Variants in SLC26A11 observed in about 807,000 individuals in gnomAD.
The protein encoded by SLC26A11 is sodium-independent sulfate anion transporter.
SLC26A11 carries 58 observed loss-of-function variants against 62.2 expected under a neutral mutation model. That is an observed-to-expected ratio of 0.93 (90% CI 0.76 to 1.16). The LOEUF is 1.16. Among genes scored for constraint, SLC26A11 ranks in the 50% most tolerant of loss-of-function variants. The pLI is 0.00. For synonymous variants in SLC26A11, 411 were observed against 368.9 expected (o/e 1.11, Z -1.31); for missense variants, 790 against 794.3 (o/e 0.99, Z 0.06).
chr17:80,245,577 G>A (rs761378083), intron 11 of SLC26A11, among the ~76,000 whole-genome samples: 3 of 151,918 alleles, frequency 2.0e-5, no homozygotes, highest in African/African-American at 4.8e-5. Flanking sequence ...TGACCGCACC[G>A]CTGCACTCCA....
At chr17:80,242,467 C>T (rs781771992) in intron 10 of SLC26A11, among the ~76,000 whole-genome samples, 21 of 152,154 alleles carry the variant, frequency 1.4e-4, no homozygotes, top group Non-Finnish European at 1.9e-4. Flanking sequence ...GGAGGGAGCA[C>T]CTAGTGCCGG....
intron 6 of SLC26A11, among the ~76,000 whole-genome samples, chr17:80,226,783 CCT>C (rs1470920704): frequency 6.6e-6 from 1 of 152,242 alleles, no homozygotes; most frequent in Non-Finnish European, 1.5e-5. Flanking sequence ...AGGCAGGATG[CCT>C]CTCTACCTCT....
chr17:80,226,837 T>C (rs528841979), intron 6 of SLC26A11, among the ~76,000 whole-genome samples: 5 of 152,242 alleles, frequency 3.3e-5, no homozygotes, highest in African/African-American at 1.2e-4. Flanking sequence ...CTAGGGGAGC[T>C]ATAGAGATGG....
chr17:80,248,734 C>G (rs79344544), intron 15 of SLC26A11, 60 bp downstream of exon 15: 3 of 1,481,024 alleles, frequency 2.0e-6, no homozygotes, highest in Admixed American at 2.0e-5. Context: ...CCCCCCACTC[C>G]CTGCTGTTCA....
At chr17:80,241,950 C>A in intron 10 of SLC26A11, 129 bp downstream of exon 10, 2 of 1,009,410 alleles carry the variant, frequency 2.0e-6, no homozygotes, top group Non-Finnish European at 1.6e-6. Context: ...CAAAGGTGGC[C>A]CCAGATGGGA....
In SLC26A11 at chr17:80,221,686, C is replaced by CTACT; in HGVS notation, c.127_130dup (p.Ser44LeufsTer29). 6.2e-7 allele frequency: 1 copy of CTACT among 1,613,588 alleles called. No individual in the cohort carries two copies. Among genetic ancestry groups the CTACT allele is most frequent in the Non-Finnish European group, 8.5e-7 (1 of 1,180,016 alleles). On this transcript the variant is annotated frameshift_variant, in exon 3 of 18. Transcript: ENST00000361193. LOFTEE classifies it high-confidence loss of function. ...TGCCCATCCTGGCGTGGCTGCCCAG[C>CTACT]TACTCCCTGCAGTGGCTGAAGATGG... is the stretch of plus-strand genomic sequence containing the variant.
At chr17:80,233,622 T>G (rs1598811049) in intron 7 of SLC26A11, among the ~76,000 whole-genome samples, 1 of 146,922 alleles carries the variant, frequency 6.8e-6, no homozygotes, top group East Asian at 2.1e-4. Context: ...ACTCTGTCAC[T>G]CAGGCTGGAA....
chr17:80,229,840 C>T (rs2144898622), intron 7 of SLC26A11, among the ~76,000 whole-genome samples: 1 of 152,294 alleles, frequency 6.6e-6, no homozygotes, highest in Admixed American at 6.5e-5. Context: ...CAGGCCCCAC[C>T]CCAGATCTCC....
chr17:80,244,384 G>A (rs932236161), intron 10 of SLC26A11, among the ~76,000 whole-genome samples: 14 of 152,224 alleles, frequency 9.2e-5, no homozygotes, highest in African/African-American at 2.7e-4. Context: ...GGAACTGGGT[G>A]GAGAACGGTG....
intron 9 of SLC26A11, among the ~76,000 whole-genome samples, chr17:80,240,299 G>A (rs1221081176): frequency 4.6e-5 from 7 of 151,634 alleles, no homozygotes; most frequent in African/African-American, 1.5e-4. Context: ...CCCGGGAGGC[G>A]GAGCTTGCAG....
Position 80,221,658 on chromosome 17 carries a change from G to T in SLC26A11, c.98G>T (p.Arg33Met), listed in dbSNP as rs1598779844. 2 of 1,612,792 alleles carry T rather than the reference G, an allele frequency of 1.2e-6. No homozygotes were observed. The highest frequency in any genetic ancestry group is 8.5e-7 in the Non-Finnish European group (1 of 1,179,978). Residue 33 changes from arginine to methionine, a missense_variant, in exon 3 of 18, where the codon AGG becomes ATG. Coordinates refer to ENST00000361193, the MANE Select transcript of SLC26A11 (RefSeq NM_001166347.2). ...CCCSPAALQR[R>M]LPILAWLPSY... ...TGCTCCCCTGCGGCCCTGCAGAGGA[G>T]GCTGCCCATCCTGGCGTGGCTGCCC... is the stretch of plus-strand genomic sequence containing the variant.
rs780850196 is a variant in SLC26A11 at position 80,228,967 on chromosome 17, G to A, written c.736+1007G>A. On this transcript the variant is annotated intron_variant, in intron 7 of 17. Transcript: ENST00000361193. The surrounding 1 kb of genome is among the most constrained non-coding windows in gnomAD (Gnocchi z 4.1). ...GTGGAAGCCTCTTCTCAGTGCATCC[G>A]GGATGGGCATGGGTCCCCTGGCTGA... Among the ~76,000 whole-genome samples the A allele has an allele frequency of 6.6e-5, 10 of 152,172 alleles. No individual in the cohort carries two copies. Among genetic ancestry groups the A allele is most frequent in the African/African-American group, 1.9e-4 (8 of 41,442 alleles).
intron 7 of SLC26A11, among the ~76,000 whole-genome samples, chr17:80,231,115 T>A (rs2144903774): frequency 6.6e-6 from 1 of 151,144 alleles, no homozygotes; most frequent in South Asian, 2.1e-4. Context: ...TTTCCTTTCT[T>A]CTATTTATTT....
chr17:80,240,753 A>G (rs2042839332), intron 9 of SLC26A11, among the ~76,000 whole-genome samples: 1 of 151,980 alleles, frequency 6.6e-6, no homozygotes, highest in Non-Finnish European at 1.5e-5. Flanking sequence ...CGGTGAGCCA[A>G]GATCACTCCA....
chr17:80,243,311 A>G (rs987152034), intron 10 of SLC26A11, among the ~76,000 whole-genome samples: 2 of 152,214 alleles, frequency 1.3e-5, no homozygotes, highest in Non-Finnish European at 2.9e-5. Context: ...TTTCAGGCTG[A>G]GAAAATCCAC....
At position 80,249,232 on chromosome 17, in the gene SLC26A11, A is replaced by G. The variant is rs766317219; in HGVS notation, c.1601A>G (p.Glu534Gly). The stretch of plus-strand genomic sequence containing the variant: ...TACACTGTGGTGCTGGGACTCGGCG[A>G]GCTCCTCCAGGACTTCCAGAAGCAG... ...IDYTVVLGLG[E>G]LLQDFQKQGV... The change falls in exon 16 of 18, where the codon GAG becomes GGG. Residue 534 changes from glutamate to glycine, a missense_variant. Physicochemically the swap from Glu to Gly is moderately conservative, Grantham distance 98. Transcript: ENST00000361193. The G allele has an allele frequency of 3.2e-5, 51 of 1,611,454 alleles. No homozygotes were observed. Among genetic ancestry groups the G allele is most frequent in the Non-Finnish European group, 4.3e-5 (51 of 1,179,982 alleles).
At chr17:80,250,164 C>G (rs140466495) in intron 16 of SLC26A11, among the ~76,000 whole-genome samples, 1 of 152,110 alleles carries the variant, frequency 6.6e-6, no homozygotes, top group Non-Finnish European at 1.5e-5. Context: ...TAAATGTGCG[C>G]TCTCTGCCAA....
chr17:80,252,649 G>C lies in SLC26A11; in HGVS notation c.1754G>C (p.Gly585Ala). 6.2e-7 allele frequency: 1 copy of C among 1,613,966 alleles called. No individual in the cohort carries two copies. The change falls in exon 18 of 18, where the codon GGG (glycine) becomes GCG (alanine). Residue 585 changes from glycine (G) to alanine (A), a missense_variant. Gly to Ala is a moderately conservative substitution (Grantham distance 60, BLOSUM62 0). Transcript: ENST00000361193. The surrounding 1 kb of genome is among the most constrained non-coding windows in gnomAD (Gnocchi z 5.2). ...GAGAAGCACCTGAGGCAGGAGCCAG[G>C]GACCCAGCCCTACAACATCAGAGAA... ...EAEKHLRQEP[G>A]TQPYNIREDS...
intron 14 of SLC26A11, 27 bp downstream of exon 14, chr17:80,248,284 G>T: frequency 6.3e-7 from 1 of 1,598,398 alleles, no homozygotes. Context: ...TCTGAGTGGG[G>T]AGTGTGCTGG....
Sources: allele counts gnomAD v4.1 joint callset (sites outside exome capture counted in the v4.1 genomes callset), GRCh38; gene constraint gnomAD v4.1.1; non-coding constraint Gnocchi (gnomAD v3.1); transcripts MANE v1.5; gene names NCBI Gene and HGNC (gene_info 2026-07-23, HGNC 2026-07-21).